NRP1: variants seen among roughly 807,000 people sequenced by gnomAD.
NRP1 encodes the protein neuropilin-1.
In NRP1, 35 loss-of-function variants were observed where a neutral mutation model predicts 106.7. The ratio of observed to expected loss-of-function variants is 0.33; its 90% CI spans 0.25 to 0.43. The LOEUF (loss-of-function observed/expected upper bound fraction) is 0.43, where lower values mean the gene tolerates loss of function less well. Ranked by LOEUF, NRP1 falls within the 20% of genes least tolerant of loss-of-function variation. The probability of loss-of-function intolerance (pLI) is 1.00; values close to 1 mark genes in which losing one functional copy is unlikely to be tolerated. For missense variants in NRP1, 1,024 were observed against 1,170.4 expected, an observed-to-expected ratio of 0.87 and a Z score of 1.83; for synonymous variants, 437 against 417.9, an observed-to-expected ratio of 1.05 and a Z score of -0.56.
intron 2 of NRP1, 66 bp downstream of exon 2, chr10:33,330,642 C>T: frequency 1.4e-6 from 2 of 1,410,130 alleles, no homozygotes; most frequent in Middle Eastern, 2.0e-4. Context: ...ACCGACTTCC[C>T]CCCCGTAGAC....
intron 6 of NRP1, among the ~76,000 whole-genome samples, chr10:33,246,027 G>C (rs547210679): frequency 6.6e-5 from 10 of 152,002 alleles, no homozygotes; most frequent in Admixed American, 6.5e-4. Flanking sequence ...TTTTCTTTAA[G>C]GTGTGTTGAC....
chr10:33,184,176 A>G (rs1835864306), intron 15 of NRP1, among the ~76,000 whole-genome samples: 1 of 151,998 alleles, frequency 6.6e-6, no homozygotes, highest in Admixed American at 6.6e-5. Flanking sequence ...CACCACGCCC[A>G]GCTAATTTTT....
At chr10:33,180,468 C>G in intron 16 of NRP1, 103 bp from the exon 17 acceptor site, 1 of 1,177,478 alleles carries the variant, frequency 8.5e-7, no homozygotes, top group Non-Finnish European at 1.2e-6. Flanking sequence ...TCACACACCC[C>G]AGTTTTGCCT....
At chr10:33,264,396 G>T (rs80264065) in intron 3 of NRP1, among the ~76,000 whole-genome samples, 1 of 152,180 alleles carries the variant, frequency 6.6e-6, no homozygotes, top group African/African-American at 2.4e-5. Context: ...AAGGTAATTC[G>T]TACATGTACC....
At chr10:33,202,576 G>T (rs906143913) in intron 11 of NRP1, 12 of 1,419,282 alleles carry the variant, frequency 8.5e-6, no homozygotes, top group Admixed American at 5.0e-5. Context: ...TTGGGGGGGG[G>T]TCTGAAAATA....
Position 33,202,923 on chromosome 10 carries a change from T to C in NRP1, c.1832A>G (p.His611Arg). The change falls in exon 11 of 17, where the codon CAC (histidine) becomes CGC (arginine). Residue 611 changes from histidine (H) to arginine (R), a missense_variant. By Grantham distance (29) the His-to-Arg change is conservative. Transcript: ENST00000374867. ...CTGGAAGTCATCACCTGTTCCACTG[T>C]GGCAGTTGGCCTGGTCGTCATCACA... The part of the protein sequence containing the change: ...DECDDDQANC[H>R]SGTGDDFQLT... 1.2e-6 allele frequency: 2 copies of C among 1,614,252 alleles called. No homozygotes were observed. The highest frequency in any genetic ancestry group is 1.7e-6 in the Non-Finnish European group (2 of 1,180,042).
Position 33,177,622 on chromosome 10 carries a change from T to C in NRP1, c.*2454A>G, listed in dbSNP as rs1428082473. ...TCAGTGTCTGAGAATACAAATGTCA[T>C]TTAAAGTTAAGGCTTCGCTGTTCAT... is the stretch of plus-strand genomic sequence containing the variant. On this transcript the variant is annotated 3_prime_UTR_variant, in exon 17 of 17. Coordinates refer to ENST00000374867, the MANE Select transcript of NRP1 (RefSeq NM_003873.7). 3 of 152,638 alleles carry C rather than the reference T, an allele frequency of 2.0e-5. No homozygotes were observed. Among genetic ancestry groups the C allele is most frequent in the African/African-American group, 7.2e-5 (3 of 41,454 alleles). The allele number at this position is 152,638 out of a possible 1,614,324, so 9.5% of individuals were successfully genotyped here.
intron 2 of NRP1, among the ~76,000 whole-genome samples, chr10:33,284,185 C>T (rs763501842): frequency 2.0e-4 from 31 of 152,166 alleles, no homozygotes; most frequent in Non-Finnish European, 2.4e-4. Flanking sequence ...TCTTTACCTT[C>T]TTTGACAGAT....
At chr10:33,322,361 G>C (rs1847571886) in intron 2 of NRP1, among the ~76,000 whole-genome samples, 1 of 152,092 alleles carries the variant, frequency 6.6e-6, no homozygotes. Context: ...GTTAAGGCAA[G>C]TTTTTATTTA....
chr10:33,221,788 G>C lies in NRP1; in HGVS notation c.1213C>G (p.Arg405Gly). ...GTTTCCCAAGTTGCAGGCTTGATTC[G>C]GACAAATCGAGTTATCAGTGGTTTG... ...FPKPLITRFVRIKPATWETGI... is the reference protein window; with the variant it reads ...FPKPLITRFVGIKPATWETGI... The change falls in exon 8 of 17, where the codon CGA (arginine) becomes GGA (glycine). Residue 405 changes from arginine to glycine, a missense_variant. Coordinates refer to ENST00000374867, the MANE Select transcript of NRP1 (RefSeq NM_003873.7). 3.1e-6 allele frequency: 5 copies of C among 1,613,994 alleles called. No homozygotes were observed. Among genetic ancestry groups the C allele is most frequent in the Non-Finnish European group, 4.2e-6 (5 of 1,179,960 alleles).
chr10:33,275,267 T>C (rs144400622), intron 2 of NRP1, among the ~76,000 whole-genome samples: 1 of 152,196 alleles, frequency 6.6e-6, no homozygotes, highest in African/African-American at 2.4e-5. Context: ...TCAAATACCA[T>C]GGAATATTAT....
intron 8 of NRP1, among the ~76,000 whole-genome samples, chr10:33,215,034 T>C (rs1838644982): frequency 6.6e-6 from 1 of 152,196 alleles, no homozygotes; most frequent in African/African-American, 2.4e-5. Context: ...ACCCCGACAA[T>C]AGAAAAGAGA....
At chr10:33,220,925 A>G (rs1350706749) in intron 8 of NRP1, among the ~76,000 whole-genome samples, 1 of 145,302 alleles carries the variant, frequency 6.9e-6, no homozygotes, top group Admixed American at 7.0e-5. Context: ...AAAAAAAAAG[A>G]AAAACAAATA....
intron 9 of NRP1, among the ~76,000 whole-genome samples, chr10:33,209,665 C>A (rs192346387): frequency 2.0e-4 from 30 of 151,668 alleles, no homozygotes; most frequent in Middle Eastern, 3.4e-3. Flanking sequence ...TCAGTAGAAA[C>A]GGGGTTTCAC....
chr10:33,178,274 G>A lies in NRP1; in HGVS notation c.*1802C>T, dbSNP rs951536327. On this transcript the variant is annotated 3_prime_UTR_variant, in exon 17 of 17. Transcript: ENST00000374867. The stretch of plus-strand genomic sequence containing the variant: ...TCTAAAAAATCTCATGTCCAACATG[G>A]CATGATAAAAATCCACCAAAACCAA... The A allele has an allele frequency of 6.6e-6, 1 of 152,154 alleles. No homozygotes were observed. The highest frequency in any genetic ancestry group is 1.5e-5 in the Non-Finnish European group (1 of 68,026). The allele number at this position is 152,154 out of a possible 1,614,324, so 9.4% of individuals were successfully genotyped here.
chr10:33,260,449 T>G (rs1842495315), intron 4 of NRP1, among the ~76,000 whole-genome samples: 1 of 152,166 alleles, frequency 6.6e-6, no homozygotes, highest in Non-Finnish European at 1.5e-5. Context: ...CTGAAATGGT[T>G]GATAATTTTT....
chr10:33,188,789 T>C (rs2132610843), intron 13 of NRP1, among the ~76,000 whole-genome samples: 1 of 151,184 alleles, frequency 6.6e-6, no homozygotes. Context: ...CCTAAGTAGC[T>C]GGGACTACAG....
At chr10:33,194,695 T>G (rs1457981930) in intron 12 of NRP1, 2 of 513,844 alleles carry the variant, frequency 3.9e-6, no homozygotes, top group Admixed American at 4.1e-5. Flanking sequence ...GCAATTTGGT[T>G]ATTTAAAGGA....
intron 2 of NRP1, among the ~76,000 whole-genome samples, chr10:33,319,098 G>A (rs1425756767): frequency 1.4e-5 from 2 of 147,720 alleles, no homozygotes; most frequent in African/African-American, 2.5e-5. Flanking sequence ...TCTGCTTCCC[G>A]GGTTCACGCC....
Sources: allele counts gnomAD v4.1 joint callset (sites outside exome capture counted in the v4.1 genomes callset), GRCh38; gene constraint gnomAD v4.1.1; transcripts MANE v1.5; gene names NCBI Gene and HGNC (gene_info 2026-07-23, HGNC 2026-07-21).